LIPA: variants seen among roughly 807,000 people sequenced by gnomAD.
LIPA encodes the protein lipase A, lysosomal acid type, also known as lysosomal acid lipase/cholesteryl ester hydrolase.
In LIPA, 26 loss-of-function variants were observed where a neutral mutation model predicts 40.6. The observed-to-expected ratio is 0.64, with a 90% CI of 0.47 to 0.89. LIPA has a LOEUF of 0.89. Ranked by LOEUF, LIPA falls within the 40% of genes least tolerant of loss-of-function variation. The probability of loss-of-function intolerance (pLI) is 0.00; values close to 1 mark genes in which losing one functional copy is unlikely to be tolerated. For synonymous variants in LIPA, 188 were observed against 168.4 expected (o/e 1.12, Z -0.90); for missense variants, 455 against 479.6 (o/e 0.95, Z 0.48).
chr10:89,378,515 T>C (rs903565718), intron 2 of LIPA, among the ~76,000 whole-genome samples: 1 of 152,020 alleles, frequency 6.6e-6, no homozygotes, highest in African/African-American at 2.4e-5. Context: ...AGGCCTTTGG[T>C]GAAAAAATCA....
chr10:89,322,606 G>GC (rs904422223), intron 1 of LIPA, among the ~76,000 whole-genome samples: 1 of 146,770 alleles, frequency 6.8e-6, no homozygotes, highest in African/African-American at 2.6e-5. Flanking sequence ...GAGGCAGAGA[G>GC]CCCCCCAGAC....
chr10:89,294,019 G>A (rs992631844), intron 1 of LIPA, among the ~76,000 whole-genome samples: 2 of 152,216 alleles, frequency 1.3e-5, no homozygotes, highest in African/African-American at 4.8e-5. Flanking sequence ...CTAGAATGGT[G>A]CCTGGCACAT....
At chr10:89,253,729 C>A (rs1843165270), upstream of LIPA, among the ~76,000 whole-genome samples, 1 of 152,238 alleles carries the variant, frequency 6.6e-6, no homozygotes, top group African/African-American at 2.4e-5. Flanking sequence ...TCCCTTCCAC[C>A]TATTAGCTGG....
chr10:89,267,424 C>G (rs1843242068), intron 1 of LIPA, among the ~76,000 whole-genome samples: 1 of 152,082 alleles, frequency 6.6e-6, no homozygotes, highest in Non-Finnish European at 1.5e-5. Flanking sequence ...GCAGTCCCAG[C>G]AGGGAGAGAA....
chr10:89,325,039 A>C lies in LIPA; in HGVS notation c.-2+17572T>G, dbSNP rs550050485. 5.9e-5 allele frequency among the ~76,000 whole-genome samples: 9 copies of C among 152,308 alleles called. No homozygotes were observed. The East Asian group carries it at 1.7e-3, about 29-fold the overall frequency. ...GCACATTGTGCACATGTACCCAAGA[A>C]ATTAAAGTATAATAATAAAAAAAGA... On this transcript the variant is annotated intron_variant, in intron 1 of 5. Coordinates refer to the LIPA transcript ENST00000282673.
chr10:89,296,888 T>C (rs1311659211), intron 1 of LIPA, among the ~76,000 whole-genome samples: 1 of 152,186 alleles, frequency 6.6e-6, no homozygotes, highest in East Asian at 1.9e-4. Context: ...CAAAACACTA[T>C]GGCTGTACAT....
chr10:89,349,642 TGA>T (rs1843946016), intron 2 of LIPA, among the ~76,000 whole-genome samples: 1 of 152,124 alleles, frequency 6.6e-6, no homozygotes, highest in Non-Finnish European at 1.5e-5. Context: ...TCAACAGCAA[TGA>T]GATAGTCTCA....
chr10:89,249,553 C>G (rs1271002484), intron 1 of LIPA, among the ~76,000 whole-genome samples: 2 of 151,914 alleles, frequency 1.3e-5, no homozygotes, highest in African/African-American at 2.4e-5. Context: ...ACCTACTACT[C>G]AGCTATAAAA....
At position 89,223,829 on chromosome 10, in the gene LIPA, T is replaced by C; in HGVS notation, c.677A>G (p.Asp226Gly). 1 of 1,613,888 alleles carries C rather than the reference T, an allele frequency of 6.2e-7. No homozygotes were observed. Among genetic ancestry groups the C allele is most frequent in the South Asian group, 1.1e-5 (1 of 91,074 alleles). Residue 226 changes from aspartate to glycine, a missense_variant and splice_region_variant, in exon 7 of 10, where the codon GAC becomes GGC. Asp to Gly is a moderately conservative substitution (Grantham distance 94). Coordinates refer to ENST00000336233, the MANE Select transcript of LIPA (RefSeq NM_000235.4). The part of the protein sequence containing the change: ...LGRLPDHLIK[D>G]LFGDKEFLPQ... ...AAGAAATTCTTTGTCTCCAAATAAG[T>C]CCTACAAAATAAAAAGAAACCCAAG...
chr10:89,369,873 T>C (rs1844081937), intron 2 of LIPA, among the ~76,000 whole-genome samples: 1 of 152,204 alleles, frequency 6.6e-6, no homozygotes, highest in Admixed American at 6.5e-5. Context: ...GCATACTATA[T>C]TCCCCACATA....
At chr10:89,357,471 T>C (rs899458298) in intron 2 of LIPA, among the ~76,000 whole-genome samples, 5 of 152,222 alleles carry the variant, frequency 3.3e-5, no homozygotes, top group Non-Finnish European at 5.9e-5. Context: ...TGCAGACTCC[T>C]CCTAAGAAAG....
intron 1 of LIPA, chr10:89,307,390 G>A (rs1843489442): frequency 1.3e-6 from 2 of 1,571,492 alleles, no homozygotes; most frequent in East Asian, 2.3e-5. Flanking sequence ...TAGAGATGTG[G>A]TGCCCACTAG....
rs1842727153 is a variant in LIPA at position 89,223,537 on chromosome 10, T to C, written c.822+147A>G. ...AGCAGGTGGTACCGTATTCTAGGCA[T>C]TGGCCAAAGTTCATGCTTGTGCCTC... On this transcript the variant is annotated intron_variant, in intron 7 of 9. Coordinates refer to ENST00000336233, the MANE Select transcript of LIPA (RefSeq NM_000235.4). The C allele has an allele frequency of 8.4e-6, 6 of 715,776 alleles. No individual in the cohort carries two copies. The South Asian group carries it at 8.7e-5, about 10-fold the overall frequency. 44.3% of individuals were successfully genotyped at this position (715,776 alleles called of 1,614,324 possible).
chr10:89,252,533 C>A (rs898980496), upstream of LIPA, among the ~76,000 whole-genome samples: 7 of 152,160 alleles, frequency 4.6e-5, no homozygotes, highest in African/African-American at 1.7e-4. Context: ...AGGGGCTGGG[C>A]ACAGTGGCTC....
intron 1 of LIPA, chr10:89,306,213 C>T: frequency 6.2e-7 from 1 of 1,614,146 alleles, no homozygotes; most frequent in Non-Finnish European, 8.5e-7. Context: ...CAAGAGCATG[C>T]TGACCAGGCA....
intron 1 of LIPA, among the ~76,000 whole-genome samples, chr10:89,257,042 A>T (rs1002986052): frequency 6.6e-6 from 1 of 152,250 alleles, no homozygotes; most frequent in South Asian, 2.1e-4. Context: ...GGAAGTTTTT[A>T]AAGGCAAAAT....
At chr10:89,253,949 G>A (rs1589579522), upstream of LIPA, among the ~76,000 whole-genome samples, 1 of 152,392 alleles carries the variant, frequency 6.6e-6, no homozygotes, top group East Asian at 1.9e-4. Flanking sequence ...TGATGCAGGA[G>A]GTGGGTTCCC....
chr10:89,339,489 T>A (rs1258127746), intron 1 of LIPA: 1 of 1,613,956 alleles, frequency 6.2e-7, no homozygotes, highest in East Asian at 2.2e-5. Flanking sequence ...GCTACCTCTA[T>A]CACCAGATTG....
At chr10:89,384,374 GC>G (rs1564804618) in intron 2 of LIPA, 2 of 1,614,108 alleles carry the variant, frequency 1.2e-6, no homozygotes, top group East Asian at 4.5e-5. Flanking sequence ...GCAGAAATAG[GC>G]CACCACAGAA....
Sources: gnomAD v4.1 joint callset for allele counts (sites outside exome capture counted in the v4.1 genomes callset) on GRCh38, gnomAD v4.1.1 for gene constraint, MANE v1.5 for transcripts, NCBI Gene and HGNC (gene_info 2026-07-23, HGNC 2026-07-21) for gene names.